The following ALAS1 variants were observed in gnomAD, a reference collection of about 807,000 sequenced individuals.
The protein encoded by ALAS1 is 5'-aminolevulinate synthase 1.
A neutral mutation model predicts 59.6 loss-of-function variants in ALAS1; 29 were observed. The observed-to-expected ratio is 0.49, with a 90% CI of 0.36 to 0.66. The LOEUF is 0.66. Ranked by LOEUF, ALAS1 falls within the 30% of genes least tolerant of loss-of-function variation. The pLI is 0.00. For missense variants in ALAS1, 690 were observed against 807.5 expected, an observed-to-expected ratio of 0.85 and a Z score of 1.76; for synonymous variants, 299 against 296.6, an observed-to-expected ratio of 1.01 and a Z score of -0.08.
chr3:52,202,582 C>T lies in ALAS1; in HGVS notation c.275C>T (p.Pro92Leu), dbSNP rs370171958. 52 of 1,614,064 alleles carry T rather than the reference C, an allele frequency of 3.2e-5. No homozygotes were observed. The highest frequency in any genetic ancestry group is 1.6e-4 in the East Asian group (7 of 44,890). ...SQQSPDGTQL[P>L]SGHPLPATSQ... ...CAGAGTCCAGATGGCACACAGCTTCCGTCTGGACACCCCTTGCCTGCCACA... is the reference window on the plus strand; with the variant it reads ...CAGAGTCCAGATGGCACACAGCTTCTGTCTGGACACCCCTTGCCTGCCACA... Residue 92 changes from proline to leucine, a missense_variant, in exon 4 of 12, where the codon CCG becomes CTG. Transcript: ENST00000484952.
Position 52,199,403 on chromosome 3 carries a change from C to G in ALAS1, c.162C>G (p.His54Gln). The G allele has an allele frequency of 6.2e-7, 1 of 1,614,202 alleles. No homozygotes were observed. Among genetic ancestry groups the G allele is most frequent in the East Asian group, 2.2e-5 (1 of 44,892 alleles). The stretch of plus-strand genomic sequence containing the variant: ...GGGCATTGTCCACTGCAGCAGTACA[C>G]TACCAACAGATCAAAGAAACCCCTC... ...APRALSTAAV[H>Q]YQQIKETPPA... Residue 54 changes from histidine (H) to glutamine (Q), a missense_variant, in exon 3 of 12, where the codon CAC (histidine) becomes CAG (glutamine). By Grantham distance (24) the His-to-Gln change is conservative (BLOSUM62 0). Transcript: ENST00000484952.
In ALAS1 at chr3:52,212,294, G is replaced by A. The variant is rs1360832183; in HGVS notation, c.1636G>A (p.Glu546Lys). ...DAAKNTEVCDELMSRHNIYVQ... is the reference protein window; with the variant it reads ...DAAKNTEVCDKLMSRHNIYVQ... ...TGCTAAAAACACAGAAGTCTGTGAT[G>A]AACTAATGAGCAGACATAACATCTA... The change falls in exon 11 of 12, where the codon GAA becomes AAA. Residue 546 changes from glutamate to lysine, a missense_variant. Glu to Lys is a moderately conservative substitution (Grantham distance 56). Transcript: ENST00000484952. 6.2e-7 allele frequency: 1 copy of A among 1,614,068 alleles called. No homozygotes were observed. The highest frequency in any genetic ancestry group is 8.5e-7 in the Non-Finnish European group (1 of 1,180,012).
chr3:52,203,856 G>A lies in ALAS1; in HGVS notation c.428-7G>A, dbSNP rs1311907534. On this transcript the variant is annotated splice_polypyrimidine_tract_variant and splice_region_variant and intron_variant, in intron 4 of 11. Transcript: ENST00000484952. ...GTCCCATTTGTTTCTTGTTACTTTT[G>A]TTCCAGAGGTTGCTGAAACCTCAGC... is the stretch of plus-strand genomic sequence containing the variant. The A allele has an allele frequency of 6.4e-7, 1 of 1,573,038 alleles. No homozygotes were observed. Among genetic ancestry groups the A allele is most frequent in the South Asian group, 1.2e-5 (1 of 85,466 alleles).
chr3:52,213,185 C>T (rs759499174), intron 11 of ALAS1, among the ~76,000 whole-genome samples: 2 of 152,166 alleles, frequency 1.3e-5, no homozygotes, highest in Admixed American at 6.5e-5. Flanking sequence ...TCAACTGCCC[C>T]GTGGTTCTAT....
rs993538616 is a variant in ALAS1, at chr3:52,205,985, A to G, written c.947A>G (p.Asn316Ser). 13 of 1,613,914 alleles carry G rather than the reference A, an allele frequency of 8.1e-6. No individual in the cohort carries two copies. Among genetic ancestry groups the G allele is most frequent in the South Asian group, 3.3e-5 (3 of 91,058 alleles). Residue 316 changes from asparagine to serine, a missense_variant, in exon 7 of 12, where the codon AAT (asparagine) becomes AGT (serine). Coordinates refer to ENST00000484952, the MANE Select transcript of ALAS1 (RefSeq NM_000688.6). Reference sequence around the variant, plus strand: ...TTGTTTTCCTCGTGCTTTGTGGCCAATGACTCAACCCTCTTCACCCTGGCT... The same window carrying G: ...TTGTTTTCCTCGTGCTTTGTGGCCAGTGACTCAACCCTCTTCACCCTGGCT... ...ALLFSSCFVA[N>S]DSTLFTLAKM...
chr3:52,199,226 A>G lies in ALAS1; in HGVS notation c.-16A>G, dbSNP rs1443244078. On this transcript the variant is annotated 5_prime_UTR_variant, in exon 3 of 12. Transcript: ENST00000484952. ...CTTCATCAGTCTTTCCACAGGAGCC[A>G]GCATACTTCCTGAACATGGAGAGTG... 1.2e-6 allele frequency: 2 copies of G among 1,614,098 alleles called. No individual in the cohort carries two copies. Among genetic ancestry groups the G allele is most frequent in the African/African-American group, 2.7e-5 (2 of 74,940 alleles).
In ALAS1 at chr3:52,206,560, T is replaced by G; in HGVS notation, c.986-12T>G. Reference sequence around the variant, plus strand: ...ATGCACATGGCAATAAATAGCATTTTTGTTGTCTTAGGCTGTGAGATTTAC... The same window carrying G: ...ATGCACATGGCAATAAATAGCATTTGTGTTGTCTTAGGCTGTGAGATTTAC... On this transcript the variant is annotated splice_polypyrimidine_tract_variant and intron_variant, in intron 7 of 11. Coordinates refer to ENST00000484952, the MANE Select transcript of ALAS1 (RefSeq NM_000688.6). 7 of 1,609,330 alleles carry G rather than the reference T, an allele frequency of 4.3e-6. No homozygotes were observed. Among genetic ancestry groups the G allele is most frequent in the Non-Finnish European group, 5.1e-6 (6 of 1,177,082 alleles).
intron 3 of ALAS1, among the ~76,000 whole-genome samples, chr3:52,200,895 A>T (rs777079131): frequency 6.6e-6 from 1 of 152,100 alleles, no homozygotes; most frequent in Non-Finnish European, 1.5e-5. Flanking sequence ...TTTTTCTTTA[A>T]GCAGAAAGGA....
At position 52,208,203 on chromosome 3, in the gene ALAS1, G is replaced by A. The variant is rs747345401; in HGVS notation, c.1286G>A (p.Arg429Gln). ...GCTCGAGGCGGAGGGATTGGGGATC[G>A]GGATGGAGTCATGCCAAAAATGGAC... Reference protein sequence around the residue: ...YGARGGGIGDRDGVMPKMDII... With the variant: ...YGARGGGIGDQDGVMPKMDII... The change falls in exon 9 of 12, where the codon CGG (arginine) becomes CAG (glutamine). Residue 429 changes from arginine (R) to glutamine (Q), a missense_variant. By Grantham distance (43) the Arg-to-Gln change is conservative. Coordinates refer to ENST00000484952, the MANE Select transcript of ALAS1 (RefSeq NM_000688.6). 5.0e-6 allele frequency: 8 copies of A among 1,614,086 alleles called. No individual in the cohort carries two copies. The highest frequency in any genetic ancestry group is 2.2e-5 in the East Asian group (1 of 44,898).
chr3:52,198,995 T>G, intron 2 of ALAS1, 147 bp downstream of exon 2: 1 of 1,101,260 alleles, frequency 9.1e-7, no homozygotes, highest in Admixed American at 2.1e-5. Flanking sequence ...GCAGGTGCCT[T>G]TGTGTAGCGC....
chr3:52,212,745 G>A (rs1193185227), intron 11 of ALAS1, among the ~76,000 whole-genome samples: 1 of 152,048 alleles, frequency 6.6e-6, no homozygotes, highest in African/African-American at 2.4e-5. Flanking sequence ...TGGTCAGGCT[G>A]GTCTCGAACT....
At chr3:52,208,319 T>A in intron 9 of ALAS1, 72 bp downstream of exon 9, 1 of 1,550,770 alleles carries the variant, frequency 6.4e-7, no homozygotes, top group Admixed American at 1.8e-5. Context: ...CTAGTCTAAC[T>A]GGGATCAGGT....
rs754580220 is a variant in ALAS1 at position 52,206,665 on chromosome 3, A to C, written c.1079A>C (p.Asp360Ala). The C allele has an allele frequency of 1.2e-6, 2 of 1,614,170 alleles. No homozygotes were observed. ...RVPKYIFRHNDVSHLRELLQR... is the reference protein window; with the variant it reads ...RVPKYIFRHNAVSHLRELLQR... The stretch of plus-strand genomic sequence containing the variant: ...CCAAAGTACATCTTCCGCCACAATG[A>C]TGTCAGCCACCTCAGAGAACTGCTG... The change falls in exon 8 of 12, where the codon GAT becomes GCT. Residue 360 changes from aspartate (D) to alanine (A), a missense_variant. By Grantham distance (126) the Asp-to-Ala change is moderately radical. Transcript: ENST00000484952.
At chr3:52,209,899 C>CT (rs1409589280) in intron 9 of ALAS1, among the ~76,000 whole-genome samples, 1 of 152,144 alleles carries the variant, frequency 6.6e-6, no homozygotes, top group East Asian at 1.9e-4. Context: ...AGGCTGGTCT[C>CT]TAACTCCTGA....
chr3:52,198,582 C>T, intron 1 of ALAS1, 90 bp from the exon 2 acceptor site: 1 of 579,110 alleles, frequency 1.7e-6, no homozygotes, highest in Non-Finnish European at 3.1e-6. Context: ...ACTCAACTCC[C>T]TCGACTTTAT....
In ALAS1 at chr3:52,206,550, A is replaced by G. The variant is rs779673746; in HGVS notation, c.986-22A>G. On this transcript the variant is annotated intron_variant, in intron 7 of 11. Coordinates refer to ENST00000484952, the MANE Select transcript of ALAS1 (RefSeq NM_000688.6). Reference sequence around the variant, plus strand: ...TTTGTCTTCGATGCACATGGCAATAAATAGCATTTTTGTTGTCTTAGGCTG... The same window carrying G: ...TTTGTCTTCGATGCACATGGCAATAGATAGCATTTTTGTTGTCTTAGGCTG... 3 of 1,607,302 alleles carry G rather than the reference A, an allele frequency of 1.9e-6. No homozygotes were observed. In the Admixed American group the frequency reaches 5.1e-5, roughly 27 times the overall value.
chr3:52,203,821 T>C, intron 4 of ALAS1, 42 bp from the exon 5 acceptor site: 2 of 1,542,620 alleles, frequency 1.3e-6, no homozygotes, highest in Non-Finnish European at 1.7e-6. Context: ...GAACTCAGAA[T>C]AGAAAGTTGG....
At chr3:52,198,150 T>C (rs146474312), upstream of ALAS1, 9 of 398,430 alleles carry the variant, frequency 2.3e-5, no homozygotes, top group African/African-American at 1.2e-4. Context: ...GCGCCGGCGA[T>C]CGCGGCCTGA....
Position 52,198,799 on chromosome 3 carries a change from T to C in ALAS1, c.-82T>C. ...GGGACCAGGAGAAAGTCAGGATCCC[T>C]AAGAGTCTTCCCTGCCTGGATGGAT... On this transcript the variant is annotated 5_prime_UTR_variant, in exon 2 of 12. It removes the in-frame stop codon of an upstream open reading frame in the 5' UTR. Transcript: ENST00000484952. 6.5e-7 allele frequency: 1 copy of C among 1,535,680 alleles called. No individual in the cohort carries two copies. Among genetic ancestry groups the C allele is most frequent in the Non-Finnish European group, 8.7e-7 (1 of 1,146,874 alleles).
Sources: allele counts gnomAD v4.1 joint callset (sites outside exome capture counted in the v4.1 genomes callset), GRCh38; gene constraint gnomAD v4.1.1; transcripts MANE v1.5; gene names NCBI Gene and HGNC (gene_info 2026-07-23, HGNC 2026-07-21).